ZNF143: variants seen among roughly 807,000 people sequenced by gnomAD.
ZNF143 encodes the protein zinc finger protein 143.
Under a neutral mutation model 74.1 loss-of-function variants are expected in ZNF143, and 49 were observed. That is an observed-to-expected ratio of 0.66 (90% CI 0.53 to 0.84). The LOEUF (loss-of-function observed/expected upper bound fraction) is 0.84, where lower values mean the gene tolerates loss of function less well. Ranked by LOEUF, ZNF143 falls within the 40% of genes least tolerant of loss-of-function variation. The pLI, the probability that ZNF143 is intolerant of heterozygous loss-of-function variation, is 0.00. For missense variants in ZNF143, 637 were observed against 793.4 expected (o/e 0.80, Z 2.37); for synonymous variants, 304 against 282.8 (o/e 1.07, Z -0.75).
chr11:9,479,360 C>CT (rs891535837), intron 6 of ZNF143, 112 bp from the exon 7 acceptor site: 15 of 720,012 alleles, frequency 2.1e-5, no homozygotes, highest in South Asian at 2.2e-5. Flanking sequence ...GCCCCATGTA[C>CT]TTTTTTTTCT....
chr11:9,474,972 C>G (rs193086629), intron 5 of ZNF143, among the ~76,000 whole-genome samples: 20 of 152,300 alleles, frequency 1.3e-4, no homozygotes, highest in Admixed American at 1.1e-3. Flanking sequence ...ACTGCAGCCT[C>G]AAACTCCTGG....
chr11:9,480,311 A>T (rs926987285), intron 7 of ZNF143, among the ~76,000 whole-genome samples: 16 of 152,156 alleles, frequency 1.1e-4, no homozygotes, highest in African/African-American at 3.9e-4. Context: ...AGCTTGTATA[A>T]TCATTGTAGT....
intron 7 of ZNF143, among the ~76,000 whole-genome samples, chr11:9,484,404 T>TA (rs1400056685): frequency 1.3e-5 from 2 of 150,804 alleles, no homozygotes; most frequent in Non-Finnish European, 2.9e-5. Context: ...AAATGTTTTT[T>TA]ATATTTCACC....
chr11:9,476,966 G>T (rs1323589624), intron 5 of ZNF143, among the ~76,000 whole-genome samples: 1 of 150,272 alleles, frequency 6.7e-6, no homozygotes, highest in Non-Finnish European at 1.5e-5. Context: ...GTTTCACCGT[G>T]TTAGCCAGGA....
At chr11:9,477,300 G>T (rs1042186033) in intron 5 of ZNF143, among the ~76,000 whole-genome samples, 3 of 135,418 alleles carry the variant, frequency 2.2e-5, no homozygotes, top group African/African-American at 8.5e-5. Context: ...CTGTCACCAG[G>T]CTGGAGTGCA....
In ZNF143 at chr11:9,472,744, T is replaced by G. The variant is rs534943871; in HGVS notation, c.180T>G (p.Thr60=). The change falls in exon 3 of 16, where the codon ACT becomes ACG. Residue 60 remains threonine, a synonymous_variant. Coordinates refer to ENST00000396602, the MANE Select transcript of ZNF143 (RefSeq NM_003442.6). ...LQAVTLADGS[T]AYIQHNSKDA... ...CAGTAACACTTGCAGATGGTTCTACTGCTTACATACAACACAATTCTAAAG... is the reference window on the plus strand; with the variant it reads ...CAGTAACACTTGCAGATGGTTCTACGGCTTACATACAACACAATTCTAAAG... 1.9e-6 allele frequency: 3 copies of G among 1,597,592 alleles called. No homozygotes were observed. The highest frequency in any genetic ancestry group is 2.6e-6 in the Non-Finnish European group (3 of 1,174,336).
In ZNF143 at chr11:9,473,997, G is replaced by A. The variant is rs1856738101; in HGVS notation, c.262G>A (p.Val88Ile). 1 of 1,613,676 alleles carries A rather than the reference G, an allele frequency of 6.2e-7. No homozygotes were observed. The highest frequency in any genetic ancestry group is 1.3e-5 in the African/African-American group (1 of 74,930). Residue 88 changes from valine to isoleucine, a missense_variant, in exon 4 of 16, where the codon GTT (valine) becomes ATT (isoleucine). Physicochemically the swap from Val to Ile is conservative, Grantham distance 29. Coordinates refer to ENST00000396602, the MANE Select transcript of ZNF143 (RefSeq NM_003442.6). ...GTTGGAAGATGGTTCTGCGGCCTAT[G>A]TTCAACATGTACCCATACCTAAAAG... ...IQLEDGSAAY[V>I]QHVPIPKSTG...
At chr11:9,471,276 C>T (rs1005857194) in intron 1 of ZNF143, 26 bp from the exon 2 acceptor site, 14 of 1,547,496 alleles carry the variant, frequency 9.0e-6, no homozygotes, top group Admixed American at 1.9e-5. Context: ...ATTCTTTGTT[C>T]CCAAGTGTCT....
chr11:9,509,849 T>TA (rs1462313635), intron 12 of ZNF143, among the ~76,000 whole-genome samples: 2 of 152,212 alleles, frequency 1.3e-5, no homozygotes, highest in South Asian at 2.1e-4. Flanking sequence ...ATTGGGGAGA[T>TA]ACTGGTCAAA....
At position 9,504,785 on chromosome 11, in the gene ZNF143, C is replaced by T. The variant is rs1414304146; in HGVS notation, c.1147+3515C>T. The stretch of plus-strand genomic sequence containing the variant: ...CGCCTCCTGGGTTCAAGCGATTCTC[C>T]TGCCTCAGCCTCCTGAGTAGCTGGG... On this transcript the variant is annotated intron_variant, in intron 11 of 15. Transcript: ENST00000396602. Among the ~76,000 whole-genome samples, 3 of 118,124 alleles carry T rather than the reference C, an allele frequency of 2.5e-5. 1 individual carries two copies. Among genetic ancestry groups the T allele is most frequent in the Non-Finnish European group, 6.0e-5 (3 of 50,120 alleles). The allele number at this position is 118,124 out of a possible 152,430, so 77.5% of individuals were successfully genotyped here.
At chr11:9,475,930 G>A (rs1304717682) in intron 5 of ZNF143, among the ~76,000 whole-genome samples, 20 of 151,228 alleles carry the variant, frequency 1.3e-4, no homozygotes, top group Non-Finnish European at 2.4e-4. Context: ...GTGTGTGTGT[G>A]TGTGTGTGTG....
At chr11:9,469,123 T>C (rs1002137443) in intron 1 of ZNF143, among the ~76,000 whole-genome samples, 1 of 149,292 alleles carries the variant, frequency 6.7e-6, no homozygotes, top group Non-Finnish European at 1.5e-5. Flanking sequence ...TACAGTGAGA[T>C]GCCATCTCAA....
At chr11:9,471,496 G>T in intron 2 of ZNF143, 76 bp downstream of exon 2, 1 of 1,077,948 alleles carries the variant, frequency 9.3e-7, no homozygotes, top group South Asian at 1.7e-5. Flanking sequence ...CAACTTCCTA[G>T]TTCCTGATTT....
At chr11:9,519,407 A>G (rs1040989367) in intron 14 of ZNF143, among the ~76,000 whole-genome samples, 2 of 152,070 alleles carry the variant, frequency 1.3e-5, no homozygotes, top group African/African-American at 4.8e-5. Context: ...CGGCCTCCCA[A>G]AGTGCTAGGA....
chr11:9,486,421 T>TATATTATATATA (rs1847529799), intron 7 of ZNF143, among the ~76,000 whole-genome samples: 1 of 18,550 alleles, frequency 5.4e-5, no homozygotes, highest in African/African-American at 1.4e-4. Flanking sequence ...TAATATATAT[T>TATATTATATATA]ATATATATTA....
intron 14 of ZNF143, 89 bp from the exon 15 acceptor site, chr11:9,525,151 G>A: frequency 6.8e-7 from 1 of 1,480,524 alleles, no homozygotes; most frequent in Non-Finnish European, 9.3e-7. Flanking sequence ...TTTTCAATTT[G>A]AAGAAATCCA....
chr11:9,468,793 TGCC>T (rs1856394540), intron 1 of ZNF143, among the ~76,000 whole-genome samples: 2 of 152,144 alleles, frequency 1.3e-5, no homozygotes, highest in South Asian at 4.1e-4. Flanking sequence ...TGCAGGGTCC[TGCC>T]ACTGCAGTCC....
rs374250374 is a variant in ZNF143 at position 9,525,549 on chromosome 11, A to G, written c.1833+163A>G. ...AATCGGTGTATTTGAGGTGGACTCA[A>G]AAAGACCAGCACTTTGTTCTCTACC... On this transcript the variant is annotated intron_variant, in intron 15 of 15. Coordinates refer to ENST00000396602, the MANE Select transcript of ZNF143 (RefSeq NM_003442.6). 442 of 905,696 alleles carry G rather than the reference A, an allele frequency of 4.9e-4. 4 individuals carry two copies. The South Asian group carries it at 6.2e-3, about 13-fold the overall frequency. The allele number at this position is 905,696 out of a possible 1,614,324, so 56.1% of individuals were successfully genotyped here.
At chr11:9,502,169 C>T (rs1848187102) in intron 11 of ZNF143, among the ~76,000 whole-genome samples, 1 of 146,684 alleles carries the variant, frequency 6.8e-6, no homozygotes, top group Admixed American at 6.8e-5. Flanking sequence ...CTCCCAACCT[C>T]AGGTGATCTG....
Sources: gnomAD v4.1 joint callset for allele counts (sites outside exome capture counted in the v4.1 genomes callset) on GRCh38, gnomAD v4.1.1 for gene constraint, MANE v1.5 for transcripts, NCBI Gene and HGNC (gene_info 2026-07-23, HGNC 2026-07-21) for gene names.